The following PMP22 variants were observed in gnomAD, a reference collection of about 807,000 sequenced individuals.
The protein encoded by PMP22 is Charcot-Marie-Tooth neuropathy 1A (greatly reduced nerve conduction velocity, hereditary motor sensory neuropathy Ia).
Under a neutral mutation model 18.9 loss-of-function variants are expected in PMP22, and 2 were observed. That is an observed-to-expected ratio of 0.11 (90% CI 0.04 to 0.33). PMP22 has a LOEUF of 0.33. Ranked by LOEUF, PMP22 falls within the 10% of genes least tolerant of loss-of-function variation. PMP22 has a pLI of 1.00. For synonymous variants in PMP22, 95 were observed against 89.2 expected (o/e 1.07, Z -0.37); for missense variants, 169 against 202.2 (o/e 0.84, Z 1.00).
intron 3 of PMP22, among the ~76,000 whole-genome samples, chr17:15,243,500 C>T (rs1002811103): frequency 4.6e-5 from 7 of 151,486 alleles, no homozygotes; most frequent in East Asian, 1.9e-4. Context: ...AAAACCAAAA[C>T]GAACAAATGA....
At chr17:15,244,219 G>T in intron 3 of PMP22, among the ~76,000 whole-genome samples, 1 of 151,996 alleles carries the variant, frequency 6.6e-6, no homozygotes, top group South Asian at 2.1e-4. Flanking sequence ...CATGAGGAGG[G>T]TGACACCAAT....
At chr17:15,248,639 G>A (rs1908047642) in intron 3 of PMP22, among the ~76,000 whole-genome samples, 1 of 151,820 alleles carries the variant, frequency 6.6e-6, no homozygotes, top group East Asian at 1.9e-4. Flanking sequence ...CTAGAAACAG[G>A]GAAACAGAGT....
At chr17:15,255,181 T>C (rs1908718337) in intron 3 of PMP22, among the ~76,000 whole-genome samples, 1 of 152,054 alleles carries the variant, frequency 6.6e-6, no homozygotes, top group African/African-American at 2.4e-5. Context: ...AAGAGTATGA[T>C]TGGGTATGGG....
Position 15,258,537 on chromosome 17 carries a change from A to C in PMP22, c.178+557T>G, listed in dbSNP as rs1340831297. ...CCCAAGGCTTAGCTTAGGGTTTTGC[A>C]AATAGCTTCAAGTCCCCATCTTGCA... On this transcript the variant is annotated intron_variant, in intron 3 of 4. Coordinates refer to ENST00000312280, the MANE Select transcript of PMP22 (RefSeq NM_000304.4). The surrounding 1 kb of genome is among the most constrained non-coding windows in gnomAD (Gnocchi z 4.1). Among the ~76,000 whole-genome samples, 3 of 152,164 alleles carry C rather than the reference A, an allele frequency of 2.0e-5. No homozygotes were observed. The highest frequency in any genetic ancestry group is 4.4e-5 in the Non-Finnish European group (3 of 68,024).
At chr17:15,248,034 C>G (rs1907984762) in intron 3 of PMP22, among the ~76,000 whole-genome samples, 2 of 152,226 alleles carry the variant, frequency 1.3e-5, no homozygotes, top group African/African-American at 4.8e-5. Context: ...CCAGAAATAG[C>G]TGAGTCTCTG....
At position 15,230,858 on chromosome 17, in the gene PMP22, T is replaced by G. The variant is rs13422; in HGVS notation, c.*59A>C. 815,516 of 1,583,870 alleles carry G rather than the reference T, an allele frequency of 0.51. 212,586 individuals are homozygous for G. Among genetic ancestry groups the G allele is most frequent in the African/African-American group, 0.72 (53,661 of 74,402 alleles). ...CTCTTTTTTCTTTGTCTGCTTTCTG[T>G]TTTCCCTTCCTCCCTTCCCTATGTA... On this transcript the variant is annotated 3_prime_UTR_variant, in exon 5 of 5. Transcript: ENST00000312280.
In PMP22 at chr17:15,231,034, C is replaced by A. The variant is rs372723732; in HGVS notation, c.366G>T (p.Pro122=). 6.2e-6 allele frequency: 10 copies of A among 1,614,002 alleles called. No individual in the cohort carries two copies. Among genetic ancestry groups the A allele is most frequent in the African/African-American group, 1.3e-5 (1 of 74,922 alleles). ...AGTAATCCGAGTTGAGATGCCACTC[C>A]GGGTGCCTCACCGTGTAGATGGCCG... ...SAAAIYTVRH[P]EWHLNSDYSY... The change falls in exon 5 of 5, where the codon CCG becomes CCT. Residue 122 remains proline, a synonymous_variant. Transcript: ENST00000312280.
At chr17:15,242,524 A>T (rs1299309036) in intron 3 of PMP22, among the ~76,000 whole-genome samples, 1 of 152,190 alleles carries the variant, frequency 6.6e-6, no homozygotes. Flanking sequence ...ATGACTGAAG[A>T]AAATAAATCA....
intron 4 of PMP22, among the ~76,000 whole-genome samples, chr17:15,234,677 G>A (rs1906633410): frequency 6.6e-6 from 1 of 152,050 alleles, no homozygotes; most frequent in Admixed American, 6.5e-5. Context: ...ACTCTGATTT[G>A]GGCATGGCCA....
chr17:15,232,553 T>C (rs963976194), intron 4 of PMP22: 1 of 152,206 alleles, frequency 6.6e-6, no homozygotes, highest in African/African-American at 2.4e-5. Flanking sequence ...CTAACTCTTG[T>C]CTTTAAGAAA....
intron 4 of PMP22, among the ~76,000 whole-genome samples, chr17:15,235,523 C>T (rs1179810431): frequency 6.6e-6 from 1 of 152,170 alleles, no homozygotes; most frequent in East Asian, 1.9e-4. Context: ...ATAAGAATGA[C>T]TCCAAAGTCC....
At chr17:15,257,697 C>A (rs1252307655) in intron 3 of PMP22, among the ~76,000 whole-genome samples, 4 of 152,176 alleles carry the variant, frequency 2.6e-5, no homozygotes, top group Non-Finnish European at 5.9e-5. Flanking sequence ...CCATGCAAAC[C>A]CACCACGTAA....
chr17:15,231,946 G>A (rs1238515575), intron 4 of PMP22, among the ~76,000 whole-genome samples: 2 of 152,138 alleles, frequency 1.3e-5, no homozygotes, highest in East Asian at 1.9e-4. Flanking sequence ...CAGCTCACGT[G>A]ACAGACAGCG....
chr17:15,248,441 T>G (rs756295768), intron 3 of PMP22, among the ~76,000 whole-genome samples: 2 of 152,210 alleles, frequency 1.3e-5, no homozygotes, highest in African/African-American at 2.4e-5. Context: ...CATTCCTAAT[T>G]AAGAGGCTTT....
intron 4 of PMP22, 136 bp downstream of exon 4, chr17:15,239,335 T>G: frequency 9.8e-7 from 1 of 1,023,956 alleles, no homozygotes; most frequent in Admixed American, 1.7e-5. Flanking sequence ...GCACCCACCC[T>G]CACTTTATGG....
chr17:15,255,331 G>A (rs1267183521), intron 3 of PMP22, among the ~76,000 whole-genome samples: 2 of 152,126 alleles, frequency 1.3e-5, no homozygotes, highest in African/African-American at 4.8e-5. Flanking sequence ...TTGTAAATAG[G>A]TGTAGGTGTG....
intron 3 of PMP22, among the ~76,000 whole-genome samples, chr17:15,242,233 CAG>C (rs1424296439): frequency 9.4e-6 from 1 of 106,618 alleles, no homozygotes; most frequent in African/African-American, 3.9e-5. Context: ...AGCCTGGGCA[CAG>C]AGAGAGACTC....
intron 3 of PMP22, among the ~76,000 whole-genome samples, chr17:15,248,166 T>G (rs1264001200): frequency 6.6e-6 from 1 of 152,222 alleles, no homozygotes; most frequent in Admixed American, 6.5e-5. Flanking sequence ...AGCTGGTGGC[T>G]TTGAAATGGG....
intron 3 of PMP22, among the ~76,000 whole-genome samples, chr17:15,243,819 T>C (rs2150683514): frequency 6.7e-6 from 1 of 149,190 alleles, no homozygotes; most frequent in Non-Finnish European, 1.5e-5. Flanking sequence ...ATGTATTTTA[T>C]TTATAGACAT....
Sources: gnomAD v4.1 joint callset for allele counts (sites outside exome capture counted in the v4.1 genomes callset) on GRCh38, gnomAD v4.1.1 for gene constraint, Gnocchi (gnomAD v3.1) non-coding constraint, MANE v1.5 for transcripts, NCBI Gene and HGNC (gene_info 2026-07-23, HGNC 2026-07-21) for gene names.